The following GPC6 variants were observed in gnomAD, a reference collection of about 807,000 sequenced individuals.
The protein encoded by GPC6 is glypican 6.
A neutral mutation model predicts 55.2 loss-of-function variants in GPC6; 14 were observed. That is an observed-to-expected ratio of 0.25 (90% CI 0.17 to 0.40). The LOEUF (loss-of-function observed/expected upper bound fraction) is 0.40. Among genes scored for constraint, GPC6 ranks in the 10% least tolerant of loss-of-function variants. The probability of loss-of-function intolerance (pLI) is 1.00; values close to 1 mark genes in which losing one functional copy is unlikely to be tolerated. For synonymous variants in GPC6, 278 were observed against 259.6 expected, an observed-to-expected ratio of 1.07 and a Z score of -0.68; for missense variants, 641 against 708.5, an observed-to-expected ratio of 0.90 and a Z score of 1.08.
chr13:93,933,072 G>A (rs1170312426), intron 3 of GPC6, among the ~76,000 whole-genome samples: 7 of 143,984 alleles, frequency 4.9e-5, no homozygotes, highest in Admixed American at 4.4e-4. Context: ...ACTCATGGCC[G>A]CTTCCTCTCA....
At chr13:93,983,732 T>C (rs1049897364) in intron 3 of GPC6, among the ~76,000 whole-genome samples, 2 of 151,638 alleles carry the variant, frequency 1.3e-5, no homozygotes, top group South Asian at 4.2e-4. Context: ...AAACTTCCAA[T>C]ATTGAACATC....
At chr13:94,164,290 G>A (rs770716679) in intron 4 of GPC6, among the ~76,000 whole-genome samples, 41 of 152,256 alleles carry the variant, frequency 2.7e-4, no homozygotes, top group South Asian at 6.2e-4. Context: ...TTTGTAGTTT[G>A]CACATTACTT....
intron 3 of GPC6, among the ~76,000 whole-genome samples, chr13:94,017,155 C>T (rs2138706695): frequency 6.6e-6 from 1 of 152,228 alleles, no homozygotes; most frequent in Non-Finnish European, 1.5e-5. Context: ...TTTCTTTTCC[C>T]ATTGTTCATT....
chr13:93,652,504 C>T (rs1262813461), intron 2 of GPC6, among the ~76,000 whole-genome samples: 1 of 152,210 alleles, frequency 6.6e-6, no homozygotes, highest in Non-Finnish European at 1.5e-5. Flanking sequence ...TGCTTATTAA[C>T]ACCCTTGTTA....
At chr13:94,007,388 G>T (rs1428078027) in intron 3 of GPC6, among the ~76,000 whole-genome samples, 5 of 152,232 alleles carry the variant, frequency 3.3e-5, no homozygotes, top group Non-Finnish European at 1.5e-5. Context: ...CTTACAGTCT[G>T]TGCGGGAGAT....
intron 3 of GPC6, among the ~76,000 whole-genome samples, chr13:93,949,454 T>C (rs551036367): frequency 1.2e-3 from 190 of 152,310 alleles, no homozygotes; most frequent in Non-Finnish European, 1.8e-3. Context: ...AATATTCAAG[T>C]GGCATAAAAT....
At chr13:93,487,727 T>A (rs1431431877) in intron 1 of GPC6, among the ~76,000 whole-genome samples, 1 of 152,176 alleles carries the variant, frequency 6.6e-6, no homozygotes, top group African/African-American at 2.4e-5. Flanking sequence ...ATATTTTTCT[T>A]TCTTCATTTT....
At chr13:93,656,056 T>G (rs1419590901) in intron 2 of GPC6, among the ~76,000 whole-genome samples, 1 of 152,164 alleles carries the variant, frequency 6.6e-6, no homozygotes, top group Non-Finnish European at 1.5e-5. Flanking sequence ...ACCTGAGACC[T>G]TGTCAATTTT....
chr13:93,442,819 A>T lies in GPC6; in HGVS notation c.161-102444A>T, dbSNP rs116612697. 1.8e-3 allele frequency among the ~76,000 whole-genome samples: 269 copies of T among 149,614 alleles called. 1 individual carries two copies. The highest frequency in any genetic ancestry group is 6.2e-3 in the African/African-American group (255 of 41,172). ...ATATATATATTTTTATTATTGAAAA[A>T]ATCAGAGGGACATTCTCAGTTTTTT... is the stretch of plus-strand genomic sequence containing the variant. On this transcript the variant is annotated intron_variant, in intron 1 of 8. Coordinates refer to ENST00000377047, the MANE Select transcript of GPC6 (RefSeq NM_005708.5).
intron 1 of GPC6, among the ~76,000 whole-genome samples, chr13:93,498,016 C>T (rs1880373840): frequency 6.6e-6 from 1 of 152,184 alleles, no homozygotes; most frequent in Non-Finnish European, 1.5e-5. Context: ...AGGATGTCAT[C>T]TTCTATATGC....
intron 3 of GPC6, among the ~76,000 whole-genome samples, chr13:93,894,634 C>T: frequency 6.6e-6 from 1 of 152,068 alleles, no homozygotes; most frequent in East Asian, 1.9e-4. Flanking sequence ...TTTGTTTGGC[C>T]ATTGACTCTT....
At position 93,490,569 on chromosome 13, in the gene GPC6, G is replaced by A. The variant is rs1230749918; in HGVS notation, c.161-54694G>A. ...GTTTTAGGGTACATGTGCACGTTGT[G>A]CAGGTTAGTTACATATGTATACATG... On this transcript the variant is annotated intron_variant, in intron 1 of 8. Coordinates refer to ENST00000377047, the MANE Select transcript of GPC6 (RefSeq NM_005708.5). 4.3e-5 allele frequency among the ~76,000 whole-genome samples: 5 copies of A among 117,240 alleles called. No individual in the cohort carries two copies. In the South Asian group the frequency reaches 8.9e-4, roughly 21 times the overall value. 76.9% of individuals were successfully genotyped at this position (117,240 alleles called of 152,430 possible). A position where few individuals can be genotyped will look rare whatever the true frequency, so the allele number is the denominator to read the frequency against.
At chr13:93,289,733 A>T (rs1464127554) in intron 1 of GPC6, among the ~76,000 whole-genome samples, 1 of 152,114 alleles carries the variant, frequency 6.6e-6, no homozygotes, top group Non-Finnish European at 1.5e-5. Context: ...GCCGTTTGAG[A>T]TGTATGTGAA....
intron 1 of GPC6, among the ~76,000 whole-genome samples, chr13:93,384,551 A>G (rs1361477340): frequency 6.6e-6 from 1 of 152,210 alleles, no homozygotes; most frequent in Non-Finnish European, 1.5e-5. Flanking sequence ...GCCTTCCTAT[A>G]CAAAGATCTG....
chr13:94,063,308 C>T (rs937635316), intron 4 of GPC6, among the ~76,000 whole-genome samples: 8 of 152,214 alleles, frequency 5.3e-5, no homozygotes, highest in Admixed American at 1.3e-4. Flanking sequence ...TTTGGGAATC[C>T]CTTTGTGATC....
chr13:94,335,183 TAA>T (rs1877617401), intron 6 of GPC6, among the ~76,000 whole-genome samples: 1 of 152,076 alleles, frequency 6.6e-6, no homozygotes, highest in Non-Finnish European at 1.5e-5. Context: ...AACAACGCTA[TAA>T]AGGGAAGAAA....
chr13:93,395,991 C>T (rs1316934577), intron 1 of GPC6: 1 of 152,146 alleles, frequency 6.6e-6, no homozygotes, highest in African/African-American at 2.4e-5. Flanking sequence ...CCTTAGGGAA[C>T]TTGTCCTATA....
chr13:94,011,696 A>C (rs1327984260), intron 3 of GPC6, among the ~76,000 whole-genome samples: 1 of 152,096 alleles, frequency 6.6e-6, no homozygotes, highest in Non-Finnish European at 1.5e-5. Flanking sequence ...TTCTCCTGGC[A>C]TTTGCAGCAG....
At chr13:93,714,982 A>G (rs552131348) in intron 2 of GPC6, among the ~76,000 whole-genome samples, 1 of 151,766 alleles carries the variant, frequency 6.6e-6, no homozygotes, top group South Asian at 2.1e-4. Flanking sequence ...ATGGAAATAC[A>G]GTATAATTAG....
Sources: gnomAD v4.1 joint callset for allele counts (sites outside exome capture counted in the v4.1 genomes callset) on GRCh38, gnomAD v4.1.1 for gene constraint, MANE v1.5 for transcripts, NCBI Gene and HGNC (gene_info 2026-07-23, HGNC 2026-07-21) for gene names.